The following TGM5 variants were observed in gnomAD, a reference collection of about 807,000 sequenced individuals.
TGM5 encodes transglutaminase 5.
In TGM5, 69 loss-of-function variants were observed where a neutral mutation model predicts 77.2. The ratio of observed to expected loss-of-function variants is 0.89; its 90% CI spans 0.74 to 1.09. The LOEUF (loss-of-function observed/expected upper bound fraction) is 1.09. Ranked by LOEUF, TGM5 falls within the 50% of genes least tolerant of loss-of-function variation. The probability of loss-of-function intolerance (pLI) is 0.00; values close to 1 mark genes in which losing one functional copy is unlikely to be tolerated. For missense variants in TGM5, 842 were observed against 896.5 expected (o/e 0.94, Z 0.78); for synonymous variants, 346 against 351.8 (o/e 0.98, Z 0.18).
chr15:43,259,482 G>C (rs985059802), intron 3 of TGM5, among the ~76,000 whole-genome samples: 2 of 151,498 alleles, frequency 1.3e-5, no homozygotes, highest in African/African-American at 4.8e-5. Context: ...AGAATGGTAT[G>C]TATTACATAA....
intron 6 of TGM5, chr15:43,247,897 G>A (rs945884905): frequency 1.3e-5 from 2 of 151,986 alleles, no homozygotes; most frequent in African/African-American, 2.4e-5. Context: ...ATTTTTTTGC[G>A]AAAACACATC....
chr15:43,257,634 T>G (rs1367146164), intron 3 of TGM5, among the ~76,000 whole-genome samples: 1 of 152,190 alleles, frequency 6.6e-6, no homozygotes, highest in Non-Finnish European at 1.5e-5. Context: ...TTGGTAGGAC[T>G]GTAAACTAGT....
At chr15:43,253,440 A>C in intron 5 of TGM5, 66 bp downstream of exon 5, 1 of 1,599,762 alleles carries the variant, frequency 6.3e-7, no homozygotes, top group Non-Finnish European at 8.5e-7. Context: ...TGCAGGGGGC[A>C]ACTGTGAGTG....
intron 3 of TGM5, among the ~76,000 whole-genome samples, chr15:43,258,878 G>A (rs752228100): frequency 2.6e-5 from 4 of 152,230 alleles, no homozygotes; most frequent in East Asian, 1.9e-4. Context: ...AGAGAGATAC[G>A]AGACAGAGAC....
chr15:43,256,473 T>C, intron 4 of TGM5, 95 bp downstream of exon 4: 1 of 976,768 alleles, frequency 1.0e-6, no homozygotes, highest in Non-Finnish European at 1.7e-6. Context: ...TTAGTTAGCG[T>C]TGGTCAGCAG....
rs371121821 is a variant in TGM5, at chr15:43,239,065, G to T, written c.1106-9C>A. On this transcript the variant is annotated splice_polypyrimidine_tract_variant and intron_variant, in intron 8 of 12. Coordinates refer to ENST00000220420, the MANE Select transcript of TGM5 (RefSeq NM_201631.4). ...GCCACAGCAGTAGACGCCTGAAGGA[G>T]AACAGGGGAGCCTCGGTGGGCTGTT... 1.2e-6 allele frequency: 2 copies of T among 1,613,448 alleles called. No homozygotes were observed. Among genetic ancestry groups the T allele is most frequent in the African/African-American group, 2.7e-5 (2 of 74,858 alleles).
At chr15:43,253,030 C>G (rs1312159798) in intron 5 of TGM5, 94 bp from the exon 6 acceptor site, 16 of 1,377,170 alleles carry the variant, frequency 1.2e-5, no homozygotes, top group Non-Finnish European at 1.5e-5. Context: ...GCCTGAGAAA[C>G]AGAGGAGAGA....
At chr15:43,259,101 G>A (rs926650062) in intron 3 of TGM5, among the ~76,000 whole-genome samples, 3 of 152,044 alleles carry the variant, frequency 2.0e-5, no homozygotes, top group Non-Finnish European at 2.9e-5. Flanking sequence ...GATGGGAAGC[G>A]GATGGTCCCC....
chr15:43,250,008 G>T (rs1481849717), intron 6 of TGM5, among the ~76,000 whole-genome samples: 2 of 152,204 alleles, frequency 1.3e-5, no homozygotes, highest in Non-Finnish European at 2.9e-5. Context: ...TTTGCAGGTG[G>T]TGGTCAGGAT....
At chr15:43,243,794 C>G (rs930138792) in intron 6 of TGM5, among the ~76,000 whole-genome samples, 1 of 152,188 alleles carries the variant, frequency 6.6e-6, no homozygotes, top group Non-Finnish European at 1.5e-5. Context: ...GTCTTCCAGC[C>G]TTCTCGGTCT....
At chr15:43,258,314 C>A (rs559653967) in intron 3 of TGM5, among the ~76,000 whole-genome samples, 3 of 151,620 alleles carry the variant, frequency 2.0e-5, no homozygotes, top group Admixed American at 2.0e-4. Context: ...TAAAATAATG[C>A]GTACATCAAA....
chr15:43,256,434 G>C (rs2042742464), intron 4 of TGM5, 134 bp downstream of exon 4: 6 of 788,050 alleles, frequency 7.6e-6, no homozygotes, highest in Non-Finnish European at 1.4e-5. Flanking sequence ...GGCAACCTGG[G>C]CTCACAACAC....
At chr15:43,256,996 T>G (rs1240741992) in intron 3 of TGM5, among the ~76,000 whole-genome samples, 1 of 152,198 alleles carries the variant, frequency 6.6e-6, no homozygotes, top group Non-Finnish European at 1.5e-5. Flanking sequence ...ATTGCCCAAA[T>G]CACACATCAG....
chr15:43,245,541 G>A (rs975609642), intron 6 of TGM5, among the ~76,000 whole-genome samples: 1 of 152,088 alleles, frequency 6.6e-6, no homozygotes, highest in Admixed American at 6.5e-5. Context: ...CCTTAAGTAT[G>A]CAAAGGTATA....
chr15:43,266,758 C>T (rs2042827123), intron 1 of TGM5, 82 bp downstream of exon 1: 1 of 1,548,678 alleles, frequency 6.5e-7, no homozygotes, highest in South Asian at 1.1e-5. Flanking sequence ...TCTCTGAATC[C>T]ACCCTCCACC....
intron 12 of TGM5, 40 bp downstream of exon 12, chr15:43,233,514 G>T: frequency 1.2e-6 from 2 of 1,613,910 alleles, no homozygotes; most frequent in Non-Finnish European, 1.7e-6. Context: ...TAATCTCAGG[G>T]GGGAAAAACA....
In TGM5 at chr15:43,253,545, C is replaced by T; in HGVS notation, c.645G>A (p.Arg215=). ...QTDPATDCAL[R]GSPVYVSRVV... ...CTCTGCTGACGTAGACGGGGCTTCC[C>T]CGCAGAGCACAGTCTGTGGCTGGGT... Residue 215 remains arginine, a synonymous_variant, in exon 5 of 13, where the codon CGG becomes CGA. Coordinates refer to ENST00000220420, the MANE Select transcript of TGM5 (RefSeq NM_201631.4). 1.2e-6 allele frequency: 2 copies of T among 1,613,638 alleles called. No homozygotes were observed. Among genetic ancestry groups the T allele is most frequent in the African/African-American group, 1.3e-5 (1 of 75,062 alleles).
intron 1 of TGM5, among the ~76,000 whole-genome samples, chr15:43,261,331 T>C (rs1034116829): frequency 2.0e-5 from 3 of 152,016 alleles, no homozygotes; most frequent in African/African-American, 7.3e-5. Context: ...CCTCGTGATC[T>C]GCCTGCCTCG....
rs1302622303 is a variant in TGM5, at chr15:43,233,245, G to A, written c.2109C>T (p.Asn703=). ...TGTAACCCTTAATGTCCTTAAACTTGTTGCTTCTCATATTAGCTTGGATCT... is the reference window on the plus strand; with the variant it reads ...TGTAACCCTTAATGTCCTTAAACTTATTGCTTCTCATATTAGCTTGGATCT... The part of the protein sequence containing the change: ...QRQIQANMRS[N]KFKDIKGYRN... The change falls in exon 13 of 13, where the codon AAC becomes AAT. Residue 703 remains asparagine (N), a synonymous_variant. Transcript: ENST00000220420. 1.2e-6 allele frequency: 2 copies of A among 1,614,170 alleles called. No individual in the cohort carries two copies. The highest frequency in any genetic ancestry group is 2.7e-5 in the African/African-American group (2 of 75,038).
Sources: allele counts gnomAD v4.1 joint callset (sites outside exome capture counted in the v4.1 genomes callset), GRCh38; gene constraint gnomAD v4.1.1; transcripts MANE v1.5; gene names NCBI Gene and HGNC (gene_info 2026-07-23, HGNC 2026-07-21).